The following UNC5C variants were observed in gnomAD, a reference collection of about 807,000 sequenced individuals.
UNC5C encodes the protein netrin receptor UNC5C.
UNC5C carries 47 observed loss-of-function variants against 99.8 expected under a neutral mutation model. That is an observed-to-expected ratio of 0.47 (90% CI 0.37 to 0.60). The LOEUF (loss-of-function observed/expected upper bound fraction) is 0.60, where lower values mean the gene tolerates loss of function less well. Ranked by LOEUF, UNC5C falls within the 20% of genes least tolerant of loss-of-function variation. UNC5C has a pLI of 0.00. For synonymous variants in UNC5C, 487 were observed against 452.2 expected (o/e 1.08, Z -0.98); for missense variants, 1,062 against 1,165.9 (o/e 0.91, Z 1.30).
At chr4:95,204,746 G>C (rs533094227) in intron 11 of UNC5C, among the ~76,000 whole-genome samples, 1 of 152,294 alleles carries the variant, frequency 6.6e-6, no homozygotes, top group East Asian at 1.9e-4. Context: ...CCTGGCTCAG[G>C]GTGTGTGTCC....
At chr4:95,529,479 C>G (rs1722585018) in intron 1 of UNC5C, among the ~76,000 whole-genome samples, 3 of 151,796 alleles carry the variant, frequency 2.0e-5, no homozygotes, top group South Asian at 4.2e-4. Context: ...GTAATCTCAG[C>G]ACTTTGGGAG....
chr4:95,309,371 G>C (rs1742190381), intron 2 of UNC5C, among the ~76,000 whole-genome samples: 2 of 151,860 alleles, frequency 1.3e-5, no homozygotes. Context: ...CATTAGTTTG[G>C]GCAATGATTT....
At chr4:95,402,812 T>A (rs1010556662) in intron 1 of UNC5C, among the ~76,000 whole-genome samples, 1 of 152,208 alleles carries the variant, frequency 6.6e-6, no homozygotes, top group Non-Finnish European at 1.5e-5. Context: ...CCTAGTTCCT[T>A]GGCAGCAATT....
chr4:95,424,518 C>CT (rs536039867), intron 1 of UNC5C, among the ~76,000 whole-genome samples: 18,911 of 68,336 alleles, frequency 0.28, 3,753 homozygotes, highest in Non-Finnish European at 0.36. Context: ...TTTTTCTTTT[C>CT]TTTTTTTTTT....
intron 1 of UNC5C, among the ~76,000 whole-genome samples, chr4:95,443,664 G>GT (rs1747014791): frequency 6.6e-6 from 1 of 152,070 alleles, no homozygotes; most frequent in African/African-American, 2.4e-5. Context: ...TTCAGTTTGT[G>GT]CTTTTTTTAT....
At chr4:95,485,341 G>C in intron 1 of UNC5C, among the ~76,000 whole-genome samples, 1 of 151,692 alleles carries the variant, frequency 6.6e-6, no homozygotes, top group East Asian at 2.0e-4. Context: ...TTAAAGATGT[G>C]CCTAAATTGA....
intron 1 of UNC5C, among the ~76,000 whole-genome samples, chr4:95,509,889 A>G (rs941608908): frequency 3.3e-5 from 5 of 151,934 alleles, no homozygotes; most frequent in Non-Finnish European, 1.5e-5. Context: ...CATAATTAGA[A>G]CATTCCAAAA....
At chr4:95,306,581 T>C (rs543392892) in intron 2 of UNC5C, among the ~76,000 whole-genome samples, 1 of 152,336 alleles carries the variant, frequency 6.6e-6, no homozygotes, top group South Asian at 2.1e-4. Context: ...CACATTTTCA[T>C]GATAGTGAAT....
chr4:95,338,902 C>A (rs768523171), intron 1 of UNC5C, among the ~76,000 whole-genome samples: 1 of 151,894 alleles, frequency 6.6e-6, no homozygotes, highest in African/African-American at 2.4e-5. Context: ...AGTTCAAGAT[C>A]CCTGATTAAA....
intron 1 of UNC5C, among the ~76,000 whole-genome samples, chr4:95,377,519 A>T (rs1273477889): frequency 6.6e-6 from 1 of 152,174 alleles, no homozygotes; most frequent in Admixed American, 6.5e-5. Context: ...CTTTTCTGAG[A>T]CTGCTAATCC....
chr4:95,324,541 G>A (rs775728828), intron 2 of UNC5C, among the ~76,000 whole-genome samples: 2 of 152,074 alleles, frequency 1.3e-5, no homozygotes, highest in Admixed American at 6.6e-5. Flanking sequence ...CCATGAAAAC[G>A]GTCCCTCCTG....
At chr4:95,172,856 T>G (rs1736179674) in intron 14 of UNC5C, among the ~76,000 whole-genome samples, 1 of 152,312 alleles carries the variant, frequency 6.6e-6, no homozygotes. Flanking sequence ...ACGATATTGA[T>G]TCTTCCTACC....
chr4:95,424,711 G>C (rs1212911812), intron 1 of UNC5C, among the ~76,000 whole-genome samples: 1 of 151,362 alleles, frequency 6.6e-6, no homozygotes, highest in Non-Finnish European at 1.5e-5. Context: ...TTTTAGTAGA[G>C]ACCAGGTTTC....
chr4:95,243,047 A>G (rs1186197896), intron 6 of UNC5C, among the ~76,000 whole-genome samples: 2 of 152,232 alleles, frequency 1.3e-5, no homozygotes, highest in Non-Finnish European at 2.9e-5. Context: ...GAAGAAATCT[A>G]TCCAACCTTC....
intron 1 of UNC5C, among the ~76,000 whole-genome samples, chr4:95,362,667 A>C (rs1156410680): frequency 6.6e-6 from 1 of 152,210 alleles, no homozygotes; most frequent in African/African-American, 2.4e-5. Context: ...ATCATGTGAC[A>C]ACTGAGCTGA....
chr4:95,374,823 T>C (rs1001593654), intron 1 of UNC5C, among the ~76,000 whole-genome samples: 3 of 151,994 alleles, frequency 2.0e-5, no homozygotes, highest in Admixed American at 6.6e-5. Flanking sequence ...AGTATGGAAA[T>C]CAAGTATAAT....
At chr4:95,287,485 T>C (rs1324297654) in intron 3 of UNC5C, among the ~76,000 whole-genome samples, 1 of 152,252 alleles carries the variant, frequency 6.6e-6, no homozygotes, top group African/African-American at 2.4e-5. Flanking sequence ...CTTTCAGGTA[T>C]AGCAGGAAAC....
chr4:95,417,164 T>C (rs1399940928), intron 1 of UNC5C, among the ~76,000 whole-genome samples: 1 of 152,176 alleles, frequency 6.6e-6, no homozygotes, highest in Non-Finnish European at 1.5e-5. Flanking sequence ...TTAATACATT[T>C]CAAAATGAGT....
At chr4:95,401,632 A>G (rs1326341187) in intron 1 of UNC5C, among the ~76,000 whole-genome samples, 1 of 152,172 alleles carries the variant, frequency 6.6e-6, no homozygotes, top group Middle Eastern at 3.2e-3. Context: ...ATTGGGTAAT[A>G]ATCCTAAGAA....
Sources: gnomAD v4.1 joint callset for allele counts (sites outside exome capture counted in the v4.1 genomes callset) on GRCh38, gnomAD v4.1.1 for gene constraint, MANE v1.5 for transcripts, NCBI Gene and HGNC (gene_info 2026-07-23, HGNC 2026-07-21) for gene names.